GRID1: variants seen among roughly 807,000 people sequenced by gnomAD.
GRID1 encodes glutamate receptor ionotropic, delta-1.
GRID1 carries 28 observed loss-of-function variants against 98.0 expected under a neutral mutation model. The ratio of observed to expected loss-of-function variants is 0.29; its 90% CI spans 0.21 to 0.39. The LOEUF (loss-of-function observed/expected upper bound fraction) is 0.39. Ranked by LOEUF, GRID1 falls within the 10% of genes least tolerant of loss-of-function variation. The pLI, the probability that GRID1 is intolerant of heterozygous loss-of-function variation, is 1.00. For missense variants in GRID1, 1,111 were observed against 1,340.5 expected (o/e 0.83, Z 2.67); for synonymous variants, 553 against 538.5 (o/e 1.03, Z -0.37).
chr10:85,630,419 C>T (rs747749842), intron 13 of GRID1, among the ~76,000 whole-genome samples: 5 of 152,222 alleles, frequency 3.3e-5, no homozygotes, highest in Non-Finnish European at 5.9e-5. Context: ...ATGGTCATGA[C>T]AATCATTACC....
Position 86,366,544 on chromosome 10 carries a change from C to A in GRID1, c.-152G>T, listed in dbSNP as rs897234458. 2 of 324,120 alleles carry A rather than the reference C, an allele frequency of 6.2e-6. No homozygotes were observed. Among genetic ancestry groups the A allele is most frequent in the Non-Finnish European group, 1.1e-5 (2 of 189,286 alleles). 20.1% of individuals were successfully genotyped at this position (324,120 alleles called of 1,614,324 possible). Reference sequence around the variant, plus strand: ...CTTCCCCCGCGCGCCCGCCCCTGCGCCCTGCGCCCGCCCCAGCCCAGCCCA... The same window carrying A: ...CTTCCCCCGCGCGCCCGCCCCTGCGACCTGCGCCCGCCCCAGCCCAGCCCA... On this transcript the variant is annotated 5_prime_UTR_variant, in exon 1 of 16. Transcript: ENST00000327946. This position sits in a 1 kb window ranked among gnomAD's most constrained non-coding sequence, Gnocchi z 4.1.
intron 8 of GRID1, among the ~76,000 whole-genome samples, chr10:85,801,421 C>T (rs1023464822): frequency 1.3e-5 from 2 of 151,692 alleles, no homozygotes; most frequent in African/African-American, 4.8e-5. Context: ...GAAAATTTTA[C>T]AGGACTATTC....
chr10:85,601,035 C>G lies in GRID1; in HGVS notation c.*1238G>C, dbSNP rs1167691852. The G allele has an allele frequency of 6.6e-6, 1 of 152,278 alleles. No homozygotes were observed. The highest frequency in any genetic ancestry group is 2.4e-5 in the African/African-American group (1 of 41,448). The allele number at this position is 152,278 out of a possible 1,614,324, so 9.4% of individuals were successfully genotyped here. On this transcript the variant is annotated 3_prime_UTR_variant, in exon 16 of 16. Coordinates refer to ENST00000327946, the MANE Select transcript of GRID1 (RefSeq NM_017551.3). ...TTTATGACCCAGAGATAGGCCTTTA[C>G]TTTTGGGGCTACAAGCAACTTCCCT... is the stretch of plus-strand genomic sequence containing the variant.
chr10:85,735,391 T>C (rs919678846), intron 8 of GRID1, among the ~76,000 whole-genome samples: 6 of 152,162 alleles, frequency 3.9e-5, no homozygotes, highest in African/African-American at 1.4e-4. Context: ...AAAGGAGATA[T>C]ATGGCCTCAA....
chr10:85,888,465 T>A (rs1227925516), intron 5 of GRID1, among the ~76,000 whole-genome samples: 1 of 152,252 alleles, frequency 6.6e-6, no homozygotes, highest in Non-Finnish European at 1.5e-5. Context: ...GAACTTTACA[T>A]TTTGAGAAGC....
At chr10:86,186,519 C>G (rs1387324054) in intron 3 of GRID1, among the ~76,000 whole-genome samples, 2 of 152,088 alleles carry the variant, frequency 1.3e-5, no homozygotes, top group Non-Finnish European at 2.9e-5. Flanking sequence ...TGAGGACTTT[C>G]TGCTTCTCTA....
chr10:86,037,202 G>A (rs1218831145), intron 4 of GRID1, among the ~76,000 whole-genome samples: 1 of 152,156 alleles, frequency 6.6e-6, no homozygotes, highest in Non-Finnish European at 1.5e-5. Flanking sequence ...TTCTTTTCCA[G>A]AAAGGGGAAC....
At chr10:85,786,421 T>C (rs750454431) in intron 8 of GRID1, among the ~76,000 whole-genome samples, 1 of 152,194 alleles carries the variant, frequency 6.6e-6, no homozygotes, top group Non-Finnish European at 1.5e-5. Context: ...AACTCTAGCA[T>C]TGATGTGACA....
In GRID1 at chr10:85,713,878, C is replaced by A. The variant is rs996112898; in HGVS notation, c.1997+9125G>T. Among the ~76,000 whole-genome samples, 6 of 151,910 alleles carry A rather than the reference C, an allele frequency of 3.9e-5. No individual in the cohort carries two copies. In the Middle Eastern group the frequency reaches 0.01, roughly 260 times the overall value. On this transcript the variant is annotated intron_variant, in intron 12 of 15. Transcript: ENST00000327946. ...AACATCATAAAGGCTATATATGAAG[C>A]CTATGGCTAACATCATACTCAGCAG...
At position 85,963,615 on chromosome 10, in the gene GRID1, C is replaced by T. The variant is rs192377892; in HGVS notation, c.727-47376G>A. On this transcript the variant is annotated intron_variant, in intron 4 of 15. Coordinates refer to ENST00000327946, the MANE Select transcript of GRID1 (RefSeq NM_017551.3). ...TGATTCCAAAGCAGCTTCCCAAATC[C>T]GTGGGGTTATTTCATGTCCATATGT... Among the ~76,000 whole-genome samples the T allele has an allele frequency of 9.1e-4, 138 of 152,314 alleles. 1 individual carries two copies. Among genetic ancestry groups the T allele is most frequent in the African/African-American group, 2.8e-3 (115 of 41,580 alleles).
chr10:86,153,790 G>C (rs1845203848), intron 3 of GRID1, among the ~76,000 whole-genome samples: 1 of 151,882 alleles, frequency 6.6e-6, no homozygotes, highest in South Asian at 2.1e-4. Flanking sequence ...TAAGAGGCAG[G>C]ATCTGCAGGC....
intron 13 of GRID1, among the ~76,000 whole-genome samples, chr10:85,642,016 C>A (rs1035136073): frequency 1.3e-5 from 2 of 152,140 alleles, no homozygotes; most frequent in South Asian, 4.1e-4. Context: ...ACTAATGGTG[C>A]CTGTGTGCTA....
intron 2 of GRID1, among the ~76,000 whole-genome samples, chr10:86,343,491 A>G (rs1489805570): frequency 1.3e-5 from 2 of 152,246 alleles, no homozygotes; most frequent in African/African-American, 4.8e-5. Context: ...GAATTAGAAC[A>G]CATAGGTACC....
intron 13 of GRID1, among the ~76,000 whole-genome samples, chr10:85,637,673 C>T (rs1843063870): frequency 6.6e-6 from 1 of 152,176 alleles, no homozygotes; most frequent in Non-Finnish European, 1.5e-5. Context: ...CCTTTATCTT[C>T]CTGTACCTTT....
intron 12 of GRID1, among the ~76,000 whole-genome samples, chr10:85,705,337 C>T (rs1841503077): frequency 6.6e-6 from 1 of 152,114 alleles, no homozygotes; most frequent in Admixed American, 6.6e-5. Context: ...CACCTCTACA[C>T]AAATAAACTA....
At chr10:85,778,748 C>T (rs1304550221) in intron 8 of GRID1, among the ~76,000 whole-genome samples, 1 of 152,202 alleles carries the variant, frequency 6.6e-6, no homozygotes, top group African/African-American at 2.4e-5. Flanking sequence ...GCCTTCAAAG[C>T]TTCTGAGCCA....
chr10:86,237,752 T>C (rs942444314), intron 2 of GRID1, among the ~76,000 whole-genome samples: 11 of 150,876 alleles, frequency 7.3e-5, no homozygotes, highest in Non-Finnish European at 1.6e-4. Flanking sequence ...CTTCTCCCTC[T>C]CCTGCCATGT....
chr10:85,881,751 A>C (rs1841029517), intron 5 of GRID1, among the ~76,000 whole-genome samples: 1 of 152,206 alleles, frequency 6.6e-6, no homozygotes, highest in Non-Finnish European at 1.5e-5. Flanking sequence ...AAGCAATGGC[A>C]ACAAAAGCCA....
At chr10:85,812,800 T>C (rs1842684129) in intron 8 of GRID1, among the ~76,000 whole-genome samples, 1 of 151,878 alleles carries the variant, frequency 6.6e-6, no homozygotes, top group Non-Finnish European at 1.5e-5. Flanking sequence ...TGTGTCTATA[T>C]ATACATATAT....
Sources: allele counts gnomAD v4.1 joint callset (sites outside exome capture counted in the v4.1 genomes callset), GRCh38; gene constraint gnomAD v4.1.1; non-coding constraint Gnocchi (gnomAD v3.1); transcripts MANE v1.5; gene names NCBI Gene and HGNC (gene_info 2026-07-23, HGNC 2026-07-21).